The following TGFA variants were observed in gnomAD, a reference collection of about 807,000 sequenced individuals.
The protein encoded by TGFA is protransforming growth factor alpha.
In TGFA, 12 loss-of-function variants were observed where a neutral mutation model predicts 21.7. That is an observed-to-expected ratio of 0.55 (90% confidence interval 0.35 to 0.90). The LOEUF (loss-of-function observed/expected upper bound fraction) is 0.90. Among genes scored for constraint, TGFA ranks in the 40% least tolerant of loss-of-function variants. The pLI is 0.01. For synonymous variants in TGFA, 79 were observed against 88.1 expected (o/e 0.90, Z 0.58); for missense variants, 178 against 210.8 (o/e 0.84, Z 0.96).
chr2:70,511,427 A>G (rs1553500911), intron 2 of TGFA, among the ~76,000 whole-genome samples: 2 of 152,230 alleles, frequency 1.3e-5, no homozygotes, highest in African/African-American at 4.8e-5. Context: ...TGTGAAAGTC[A>G]CTCAGCAGAG....
chr2:70,514,632 A>G (rs1426552641), intron 2 of TGFA, among the ~76,000 whole-genome samples: 1 of 152,126 alleles, frequency 6.6e-6, no homozygotes, highest in Non-Finnish European at 1.5e-5. Context: ...GAAGAGAGAC[A>G]CGTAGGGGAG....
At chr2:70,531,207 A>G (rs1553503688) in intron 1 of TGFA, among the ~76,000 whole-genome samples, 1 of 152,222 alleles carries the variant, frequency 6.6e-6, no homozygotes, top group Non-Finnish European at 1.5e-5. Flanking sequence ...CTGAACGTCC[A>G]CACAGAGTAT....
Position 70,456,418 on chromosome 2 carries a change from T to C in TGFA, c.286A>G (p.Lys96Glu). The C allele has an allele frequency of 6.3e-7, 1 of 1,599,354 alleles. No homozygotes were observed. Among genetic ancestry groups the C allele is most frequent in the South Asian group, 1.1e-5 (1 of 87,882 alleles). The change falls in exon 4 of 6, where the codon AAG (lysine) becomes GAG (glutamate). Residue 96 changes from lysine (K) to glutamate (E), a missense_variant. Transcript: ENST00000295400. ...ACCAAGGCGGTGATGGCCTGCTTCT[T>C]CTGGCTGGCAGCCACCACGGCCAGG... ...DLLAVVAASQKKQAITALVVV... is the reference protein window; with the variant it reads ...DLLAVVAASQEKQAITALVVV...
chr2:70,505,682 G>GA (rs201549802), intron 2 of TGFA, among the ~76,000 whole-genome samples: 109 of 145,786 alleles, frequency 7.5e-4, no homozygotes, highest in African/African-American at 1.6e-3. Context: ...AACTAGGAAG[G>GA]AAAAAAAAAA....
At position 70,528,105 on chromosome 2, in the gene TGFA, C is replaced by T. The variant is rs576610756; in HGVS notation, c.41-13193G>A. On this transcript the variant is annotated intron_variant, in intron 1 of 5. Coordinates refer to ENST00000295400, the MANE Select transcript of TGFA (RefSeq NM_003236.4). ...ACTATGAATTCTACCCTGCTGAAAA[C>T]AGAGAGGGCAGAAGCACGCTTATTT... 6.6e-5 allele frequency among the ~76,000 whole-genome samples: 10 copies of T among 152,334 alleles called. No homozygotes were observed. The East Asian group carries it at 1.7e-3, about 26-fold the overall frequency.
chr2:70,520,761 T>G (rs1441021207), intron 1 of TGFA, among the ~76,000 whole-genome samples: 3 of 152,010 alleles, frequency 2.0e-5, no homozygotes, highest in African/African-American at 7.2e-5. Context: ...CGACCCTATA[T>G]TCCCATAGAT....
At position 70,448,313 on chromosome 2, in the gene TGFA, ATGTT is replaced by A. The variant is rs1397663952; in HGVS notation, c.*2542_*2545del. On this transcript the variant is annotated 3_prime_UTR_variant, in exon 6 of 6. Coordinates refer to ENST00000295400, the MANE Select transcript of TGFA (RefSeq NM_003236.4). ...AAGAGTATTGGAGGCCTTTTAAAAA[ATGTT>A]TGTTATTTTTTTAAATGGGGGCTTT... is the stretch of plus-strand genomic sequence containing the variant. 5 of 152,212 alleles carry A rather than the reference ATGTT, an allele frequency of 3.3e-5. No homozygotes were observed. The highest frequency in any genetic ancestry group is 9.7e-5 in the African/African-American group (4 of 41,448). The allele number at this position is 152,212 out of a possible 1,614,324, so 9.4% of individuals were successfully genotyped here. A position where few individuals can be genotyped will look rare whatever the true frequency, so the allele number is the denominator to read the frequency against.
chr2:70,500,597 T>C (rs1671709472), intron 2 of TGFA, among the ~76,000 whole-genome samples: 1 of 152,146 alleles, frequency 6.6e-6, no homozygotes, highest in Non-Finnish European at 1.5e-5. Flanking sequence ...TCTACCAAGG[T>C]TGATCATTTT....
intron 1 of TGFA, among the ~76,000 whole-genome samples, chr2:70,545,749 G>A (rs781990620): frequency 2.0e-5 from 3 of 152,050 alleles, no homozygotes; most frequent in Non-Finnish European, 2.9e-5. Flanking sequence ...AAGATGCATA[G>A]TTTCTGCTAC....
intron 2 of TGFA, among the ~76,000 whole-genome samples, chr2:70,466,747 G>A (rs1052245240): frequency 6.6e-6 from 1 of 152,114 alleles, no homozygotes; most frequent in Non-Finnish European, 1.5e-5. Context: ...GTTCGTGGCA[G>A]GCCTATTCAC....
At chr2:70,546,569 G>T (rs1349525393) in intron 1 of TGFA, among the ~76,000 whole-genome samples, 1 of 152,116 alleles carries the variant, frequency 6.6e-6, no homozygotes, top group African/African-American at 2.4e-5. Flanking sequence ...GACCTCCCAG[G>T]CTCCAGTGAT....
chr2:70,453,452 T>C, intron 4 of TGFA, 125 bp from the exon 5 acceptor site: 8 of 744,248 alleles, frequency 1.1e-5, no homozygotes, highest in Non-Finnish European at 1.7e-5. Flanking sequence ...CAGCTCCCCA[T>C]GGGGGCTTCT....
At chr2:70,511,286 T>A (rs531226796) in intron 2 of TGFA, among the ~76,000 whole-genome samples, 21 of 152,216 alleles carry the variant, frequency 1.4e-4, no homozygotes, top group Non-Finnish European at 2.8e-4. Flanking sequence ...ATTACCCATT[T>A]TCACACCTAA....
In TGFA at chr2:70,448,735, A is replaced by AGGGAGGCGTATAT. The variant is rs1559092342; in HGVS notation, c.*2111_*2123dup. ...AAGGACTGACTTGGAAGGCACTTCT[A>AGGGAGGCGTATAT]GGGAGGCGTATATGTGAGGCCTCTC... is the stretch of plus-strand genomic sequence containing the variant. On this transcript the variant is annotated 3_prime_UTR_variant, in exon 6 of 6. Transcript: ENST00000295400. 6.6e-6 allele frequency: 1 copy of AGGGAGGCGTATAT among 152,194 alleles called. No homozygotes were observed. Among genetic ancestry groups the AGGGAGGCGTATAT allele is most frequent in the African/African-American group, 2.4e-5 (1 of 41,436 alleles). 9.4% of individuals were successfully genotyped at this position (152,194 alleles called of 1,614,324 possible).
At chr2:70,481,462 G>A (rs1553495510) in intron 2 of TGFA, among the ~76,000 whole-genome samples, 2 of 152,172 alleles carry the variant, frequency 1.3e-5, no homozygotes, top group Admixed American at 1.3e-4. Flanking sequence ...CACAGAATAA[G>A]TCTCCCTCTT....
Position 70,450,111 on chromosome 2 carries a change from G to C in TGFA, c.*748C>G, listed in dbSNP as rs1210983679. On this transcript the variant is annotated 3_prime_UTR_variant, in exon 6 of 6. Transcript: ENST00000295400. ...ACTTTTCCCAAGCCTTAGCTGTCTT[G>C]AAGAGGCCAGACATTTCTAATCAGT... The C allele has an allele frequency of 1.3e-5, 2 of 152,254 alleles. No homozygotes were observed. The highest frequency in any genetic ancestry group is 2.9e-5 in the Non-Finnish European group (2 of 68,070). 9.4% of individuals were successfully genotyped at this position (152,254 alleles called of 1,614,324 possible). A position where few individuals can be genotyped will look rare whatever the true frequency, so the allele number is the denominator to read the frequency against.
intron 3 of TGFA, among the ~76,000 whole-genome samples, chr2:70,464,745 A>G (rs879998766): frequency 6.6e-6 from 1 of 152,178 alleles, no homozygotes; most frequent in African/African-American, 2.4e-5. Flanking sequence ...CTAAAGAATA[A>G]AGACAGCTTT....
intron 1 of TGFA, among the ~76,000 whole-genome samples, chr2:70,538,504 A>G (rs752487374): frequency 8.5e-5 from 13 of 152,236 alleles, no homozygotes; most frequent in African/African-American, 1.2e-4. Context: ...ATCAACATTA[A>G]TAGGAGTTTG....
chr2:70,482,708 C>T (rs1443373097), intron 2 of TGFA, among the ~76,000 whole-genome samples: 1 of 150,978 alleles, frequency 6.6e-6, no homozygotes, highest in African/African-American at 2.5e-5. Context: ...ATTGTTCTGG[C>T]TCAAAACTTT....
Sources: gnomAD v4.1 joint callset for allele counts (sites outside exome capture counted in the v4.1 genomes callset) on GRCh38, gnomAD v4.1.1 for gene constraint, MANE v1.5 for transcripts, NCBI Gene and HGNC (gene_info 2026-07-23, HGNC 2026-07-21) for gene names.